The following KCNMA1 variants were observed in gnomAD, a reference collection of about 807,000 sequenced individuals.
KCNMA1 encodes the protein potassium calcium-activated channel subfamily M alpha 1.
KCNMA1 carries 29 observed loss-of-function variants against 140.0 expected under a neutral mutation model. That is an observed-to-expected ratio of 0.21 (90% CI 0.15 to 0.28). The LOEUF is 0.28. Ranked by LOEUF, KCNMA1 falls within the 10% of genes least tolerant of loss-of-function variation. The probability of loss-of-function intolerance (pLI) is 1.00; values close to 1 mark genes in which losing one functional copy is unlikely to be tolerated. For missense variants in KCNMA1, 880 were observed against 1,602.2 expected, an observed-to-expected ratio of 0.55 and a Z score of 7.70; for synonymous variants, 612 against 611.9, an observed-to-expected ratio of 1.00 and a Z score of 0.00.
intron 2 of KCNMA1, among the ~76,000 whole-genome samples, chr10:77,303,283 GA>G (rs2076950884): frequency 6.6e-6 from 1 of 152,024 alleles, no homozygotes; most frequent in Admixed American, 6.6e-5. Flanking sequence ...GTCCTTAGGG[GA>G]AGGTCTTGTT....
At chr10:77,556,136 T>C (rs2064277729) in intron 1 of KCNMA1, among the ~76,000 whole-genome samples, 1 of 152,194 alleles carries the variant, frequency 6.6e-6, no homozygotes, top group Non-Finnish European at 1.5e-5. Context: ...ATGGGCAAAT[T>C]ACCCAATCTC....
chr10:77,019,175 C>A, intron 16 of KCNMA1, 76 bp from the exon 17 acceptor site: 1 of 841,234 alleles, frequency 1.2e-6, no homozygotes, highest in Non-Finnish European at 2.0e-6. Context: ...GAAGGCTACA[C>A]CATACTGTTG....
At chr10:77,034,535 C>T (rs549111447) in intron 15 of KCNMA1, among the ~76,000 whole-genome samples, 1 of 152,312 alleles carries the variant, frequency 6.6e-6, no homozygotes, top group Non-Finnish European at 1.5e-5. Flanking sequence ...CAAAATAACA[C>T]AGGTTGAGAG....
Position 77,009,424 on chromosome 10 carries a change from G to A in KCNMA1, c.2092+2543C>T, listed in dbSNP as rs187825481. On this transcript the variant is annotated intron_variant, in intron 18 of 27. Coordinates refer to ENST00000286628, the MANE Select transcript of KCNMA1 (RefSeq NM_001161352.2). ...TTCTAGGGACAATTTAGTCTGCTGT[G>A]TTCCACTATGGCGTCCTATGAGGGA... Among the ~76,000 whole-genome samples, 7 of 152,284 alleles carry A rather than the reference G, an allele frequency of 4.6e-5. No homozygotes were observed. The East Asian group carries it at 9.7e-4, about 21-fold the overall frequency.
At chr10:77,576,820 C>T (rs957891328) in intron 1 of KCNMA1, among the ~76,000 whole-genome samples, 1 of 152,118 alleles carries the variant, frequency 6.6e-6, no homozygotes, top group Non-Finnish European at 1.5e-5. Context: ...TATCAAGCCT[C>T]GAGATGCTGG....
chr10:77,179,646 G>C (rs2098786703), intron 5 of KCNMA1, among the ~76,000 whole-genome samples: 1 of 152,130 alleles, frequency 6.6e-6, no homozygotes, highest in Non-Finnish European at 1.5e-5. Flanking sequence ...AAGGGGTAAG[G>C]ACACAGAAAG....
chr10:77,106,931 C>G (rs549882988), intron 9 of KCNMA1, among the ~76,000 whole-genome samples: 12 of 152,276 alleles, frequency 7.9e-5, no homozygotes, highest in African/African-American at 2.9e-4. Flanking sequence ...GTGCTGCCTC[C>G]CGGAAAAGAC....
chr10:77,547,877 G>T (rs1240932954), intron 1 of KCNMA1, among the ~76,000 whole-genome samples: 5 of 152,148 alleles, frequency 3.3e-5, no homozygotes, highest in Admixed American at 1.3e-4. Flanking sequence ...AGTTTTATTG[G>T]CACACAGCCA....
chr10:76,962,799 T>C (rs1185232441), intron 20 of KCNMA1, among the ~76,000 whole-genome samples: 2 of 152,212 alleles, frequency 1.3e-5, no homozygotes, highest in Admixed American at 6.5e-5. Flanking sequence ...AAGGAACTGA[T>C]GAATCATCTC....
intron 1 of KCNMA1, among the ~76,000 whole-genome samples, chr10:77,613,529 G>C (rs2087867271): frequency 1.3e-5 from 2 of 152,236 alleles, no homozygotes. Context: ...CTTATAGGAG[G>C]CGGTTCAGAC....
At chr10:77,134,842 T>C (rs940481945) in intron 5 of KCNMA1, among the ~76,000 whole-genome samples, 1 of 149,912 alleles carries the variant, frequency 6.7e-6, no homozygotes, top group Non-Finnish European at 1.5e-5. Flanking sequence ...ACTAAAAATA[T>C]AAAAAATTAG....
At chr10:77,196,049 C>T (rs772919990) in intron 3 of KCNMA1, among the ~76,000 whole-genome samples, 1 of 152,174 alleles carries the variant, frequency 6.6e-6, no homozygotes, top group Non-Finnish European at 1.5e-5. Context: ...ATTACCTGCT[C>T]AGTGGGGTGA....
Position 77,573,608 on chromosome 10 carries a change from A to AAATAGAATGGAATGGAATGG in KCNMA1, c.378+63656_378+63657insCCATTCCATTCCATTCTATT, listed in dbSNP as rs1450988581. On this transcript the variant is annotated intron_variant, in intron 1 of 27. Coordinates refer to ENST00000286628, the MANE Select transcript of KCNMA1 (RefSeq NM_001161352.2). ...GGTTATAAGCAATTATTTTTTAAGA[A>AAATAGAATGGAATGGAATGG]AATGGAATGGAATGGAATGGAATGG... Among the ~76,000 whole-genome samples the AAATAGAATGGAATGGAATGG allele has an allele frequency of 2.1e-4, 12 of 58,232 alleles. 1 individual carries two copies. Among genetic ancestry groups the AAATAGAATGGAATGGAATGG allele is most frequent in the African/African-American group, 4.4e-4 (9 of 20,400 alleles). 38.2% of individuals were successfully genotyped at this position (58,232 alleles called of 152,430 possible). A position where few individuals can be genotyped will look rare whatever the true frequency, so the allele number is the denominator to read the frequency against.
At chr10:77,120,502 G>A (rs556707211) in intron 6 of KCNMA1, among the ~76,000 whole-genome samples, 15 of 152,244 alleles carry the variant, frequency 9.9e-5, no homozygotes, top group African/African-American at 2.9e-4. Context: ...TCTGTTTGCC[G>A]TATGAGGTTT....
intron 14 of KCNMA1, among the ~76,000 whole-genome samples, chr10:77,052,332 G>A (rs2095399519): frequency 6.6e-6 from 1 of 152,154 alleles, no homozygotes; most frequent in South Asian, 2.1e-4. Context: ...TTGATATTTT[G>A]AGGGGACATG....
chr10:76,981,620 G>C (rs1056217320), intron 19 of KCNMA1, among the ~76,000 whole-genome samples: 3 of 152,098 alleles, frequency 2.0e-5, no homozygotes, highest in African/African-American at 7.2e-5. Flanking sequence ...CCTTCACCAG[G>C]CTCTCCCACC....
chr10:76,955,652 C>T (rs1018700940), intron 20 of KCNMA1, among the ~76,000 whole-genome samples: 1 of 152,132 alleles, frequency 6.6e-6, no homozygotes, highest in East Asian at 1.9e-4. Context: ...CTTCCAAATA[C>T]TGAACTTAGT....
exon 28 of KCNMA1, chr10:76,871,817 C>T (rs1400501511): frequency 1.3e-5 from 2 of 152,210 alleles, no homozygotes; most frequent in Non-Finnish European, 2.9e-5. Flanking sequence ...CTTGTTTCAA[C>T]TCCTACCATA....
intron 2 of KCNMA1, among the ~76,000 whole-genome samples, chr10:77,311,595 T>G (rs114644608): frequency 6.6e-6 from 1 of 152,012 alleles, no homozygotes; most frequent in South Asian, 2.1e-4. Flanking sequence ...TTTAAAAAAA[T>G]AAATAAATAA....
Sources: gnomAD v4.1 joint callset for allele counts (sites outside exome capture counted in the v4.1 genomes callset) on GRCh38, gnomAD v4.1.1 for gene constraint, MANE v1.5 for transcripts, NCBI Gene and HGNC (gene_info 2026-07-23, HGNC 2026-07-21) for gene names.